BACE2: variants seen among roughly 807,000 people sequenced by gnomAD.
BACE2 encodes the protein beta-secretase 2, also known as 56 kDa aspartic-like protease.
A neutral mutation model predicts 46.2 loss-of-function variants in BACE2; 17 were observed. The ratio of observed to expected loss-of-function variants is 0.37; its 90% CI spans 0.25 to 0.55. The LOEUF (loss-of-function observed/expected upper bound fraction) is 0.55, where lower values mean the gene tolerates loss of function less well. BACE2 is among the 20% of genes least tolerant of loss of function. BACE2 has a pLI of 0.82. For synonymous variants in BACE2, 277 were observed against 295.9 expected (o/e 0.94, Z 0.66); for missense variants, 595 against 698.1 (o/e 0.85, Z 1.66).
chr21:41,276,607 C>G lies in BACE2; in HGVS notation c.*983C>G, dbSNP rs1294404423. The G allele has an allele frequency of 6.6e-6, 1 of 152,218 alleles. No homozygotes were observed. The highest frequency in any genetic ancestry group is 1.5e-5 in the Non-Finnish European group (1 of 68,034). 9.4% of individuals were successfully genotyped at this position (152,218 alleles called of 1,614,324 possible). A position where few individuals can be genotyped will look rare whatever the true frequency, so the allele number is the denominator to read the frequency against. ...AGAAAAAACTATTCTATTTCACTAG[C>G]TTAGTTGTCTCTTTTTCCAAATCTT... On this transcript the variant is annotated 3_prime_UTR_variant, in exon 9 of 9. Transcript: ENST00000330333.
At chr21:41,169,183 A>T (rs1984504958) in intron 1 of BACE2, among the ~76,000 whole-genome samples, 1 of 151,680 alleles carries the variant, frequency 6.6e-6, no homozygotes, top group Admixed American at 6.6e-5. Flanking sequence ...CCTTTCTCGG[A>T]GTTGGTTTGT....
intron 1 of BACE2, among the ~76,000 whole-genome samples, chr21:41,201,275 G>T (rs1985958505): frequency 1.3e-5 from 2 of 152,356 alleles, no homozygotes; most frequent in South Asian, 4.1e-4. Context: ...CCGCAGCTCT[G>T]ATCGTAGTAG....
At chr21:41,229,652 T>C (rs1237346486) in intron 2 of BACE2, among the ~76,000 whole-genome samples, 1 of 152,274 alleles carries the variant, frequency 6.6e-6, no homozygotes, top group Non-Finnish European at 1.5e-5. Context: ...CCACCGCATC[T>C]TTCTCAGCTC....
intron 1 of BACE2, among the ~76,000 whole-genome samples, chr21:41,189,853 A>G (rs553168734): frequency 1.3e-5 from 2 of 152,292 alleles, no homozygotes; most frequent in African/African-American, 4.8e-5. Context: ...CAATCACAAG[A>G]TCCCACAGTA....
Position 41,257,173 on chromosome 21 carries a change from A to G in BACE2, c.1150A>G (p.Met384Val), listed in dbSNP as rs770977570. The change falls in exon 8 of 9, where the codon ATG (methionine) becomes GTG (valine). Residue 384 changes from methionine (M) to valine (V), a missense_variant. Transcript: ENST00000330333. ...CGACAAACAGCTTTACATTCAGCCCATGATGGGGGCCGGCCTGAATTATGA... is the reference window on the plus strand; with the variant it reads ...CGACAAACAGCTTTACATTCAGCCCGTGATGGGGGCCGGCCTGAATTATGA... ...TILPQLYIQPMMGAGLNYECY... is the reference protein window; with the variant it reads ...TILPQLYIQPVMGAGLNYECY... 31 of 1,614,046 alleles carry G rather than the reference A, an allele frequency of 1.9e-5. No individual in the cohort carries two copies. In the South Asian group the frequency reaches 2.9e-4, roughly 15 times the overall value.
At chr21:41,259,562 C>T (rs899005912) in intron 8 of BACE2, among the ~76,000 whole-genome samples, 2 of 151,112 alleles carry the variant, frequency 1.3e-5, no homozygotes, top group African/African-American at 4.9e-5. Context: ...AATATTTTGT[C>T]ATATTTTCTT....
chr21:41,220,090 T>A (rs1285169591), intron 1 of BACE2, among the ~76,000 whole-genome samples: 3 of 152,164 alleles, frequency 2.0e-5, no homozygotes, highest in African/African-American at 7.2e-5. Flanking sequence ...ATTAATTTGC[T>A]AGATTTACTC....
intron 1 of BACE2, chr21:41,177,591 G>T (rs1984904783): frequency 6.6e-6 from 1 of 152,300 alleles, no homozygotes; most frequent in South Asian, 2.1e-4. Flanking sequence ...GGGTCAAGAT[G>T]AAACAGTGTG....
At chr21:41,248,589 C>T (rs754964095) in intron 6 of BACE2, among the ~76,000 whole-genome samples, 4 of 152,356 alleles carry the variant, frequency 2.6e-5, no homozygotes, top group Admixed American at 1.3e-4. Flanking sequence ...CAGTAGACTT[C>T]GCTTTTTCAC....
chr21:41,246,903 G>T (rs1043070690), intron 6 of BACE2, among the ~76,000 whole-genome samples: 3 of 152,170 alleles, frequency 2.0e-5, no homozygotes, highest in African/African-American at 7.2e-5. Context: ...TCAAATGCTT[G>T]GTGTTTAGTA....
chr21:41,168,284 G>A lies in BACE2; in HGVS notation c.21G>A (p.Ala7=). 8.0e-7 allele frequency: 1 copy of A among 1,242,948 alleles called. No individual in the cohort carries two copies. The highest frequency in any genetic ancestry group is 1.0e-6 in the Non-Finnish European group (1 of 995,456). 77.0% of individuals were successfully genotyped at this position (1,242,948 alleles called of 1,614,324 possible). Residue 7 remains alanine, a synonymous_variant, in exon 1 of 9, where the codon GCG becomes GCA. Coordinates refer to ENST00000330333, the MANE Select transcript of BACE2 (RefSeq NM_012105.5). The part of the protein sequence containing the change: MGALAR[A]LLLPLLAQWL... The stretch of plus-strand genomic sequence containing the variant: ...TGGGCATGGGCGCACTGGCCCGGGC[G>A]CTGCTGCTGCCTCTGCTGGCCCAGT...
At chr21:41,177,384 C>T (rs1272024092) in intron 1 of BACE2, 1 of 152,206 alleles carries the variant, frequency 6.6e-6, no homozygotes, top group Non-Finnish European at 1.5e-5. Context: ...AATCTGTGCT[C>T]TAAAATAAGG....
chr21:41,204,738 C>T (rs17000652), intron 1 of BACE2, among the ~76,000 whole-genome samples: 6,930 of 152,206 alleles, frequency 0.046, 513 homozygotes, highest in African/African-American at 0.16. Context: ...ATTTTGCTGG[C>T]CATAGAAGCC....
chr21:41,232,864 T>A (rs1450199734), intron 2 of BACE2, among the ~76,000 whole-genome samples: 1 of 148,460 alleles, frequency 6.7e-6, no homozygotes, highest in African/African-American at 2.5e-5. Context: ...CCTAACAGAC[T>A]TGAATTTTTT....
chr21:41,180,572 A>T (rs956838419), intron 1 of BACE2: 2 of 167,094 alleles, frequency 1.2e-5, no homozygotes, highest in Middle Eastern at 3.1e-3. Context: ...AACTGTGGTA[A>T]TCTAGAATAC....
intron 7 of BACE2, among the ~76,000 whole-genome samples, chr21:41,254,266 A>G (rs145417319): frequency 1.6e-4 from 24 of 152,296 alleles, no homozygotes; most frequent in Non-Finnish European, 2.6e-4. Context: ...GGGGAGCTCT[A>G]AGGTTTCTTC....
At chr21:41,218,409 T>C (rs1218291837) in intron 1 of BACE2, among the ~76,000 whole-genome samples, 1 of 152,090 alleles carries the variant, frequency 6.6e-6, no homozygotes, top group East Asian at 1.9e-4. Context: ...CTCGCAAGCA[T>C]GAAAGCCCTT....
chr21:41,182,343 T>A (rs914270048), intron 1 of BACE2: 5 of 167,098 alleles, frequency 3.0e-5, no homozygotes, highest in African/African-American at 9.6e-5. Flanking sequence ...CAATACCTGA[T>A]AAGGCCCCTT....
At chr21:41,210,778 A>C (rs953659264) in intron 1 of BACE2, among the ~76,000 whole-genome samples, 1 of 152,174 alleles carries the variant, frequency 6.6e-6, no homozygotes, top group Non-Finnish European at 1.5e-5. Flanking sequence ...ACTGTGATAC[A>C]CTTAAATGTT....
Sources: allele counts gnomAD v4.1 joint callset (sites outside exome capture counted in the v4.1 genomes callset), GRCh38; gene constraint gnomAD v4.1.1; transcripts MANE v1.5; gene names NCBI Gene and HGNC (gene_info 2026-07-23, HGNC 2026-07-21).